Variants in CCDC30 observed in about 807,000 individuals in gnomAD.
CCDC30 encodes the protein coiled-coil domain containing 30.
A neutral mutation model predicts 100.2 loss-of-function variants in CCDC30; 70 were observed. The ratio of observed to expected loss-of-function variants is 0.70; its 90% CI spans 0.58 to 0.85. CCDC30 has a LOEUF of 0.85. Ranked by LOEUF, CCDC30 falls within the 40% of genes least tolerant of loss-of-function variation. The pLI, the probability that CCDC30 is intolerant of heterozygous loss-of-function variation, is 0.00. For missense variants in CCDC30, 652 were observed against 771.2 expected (o/e 0.85, Z 1.83); for synonymous variants, 233 against 269.5 (o/e 0.86, Z 1.33).
At chr1:42,612,402 A>T (rs913160683) in intron 11 of CCDC30, among the ~76,000 whole-genome samples, 4 of 152,224 alleles carry the variant, frequency 2.6e-5, no homozygotes, top group African/African-American at 9.6e-5. Context: ...GAAGTCAGGC[A>T]GCAGCTGCAA....
chr1:42,466,077 T>G (rs1237541671), intron 1 of CCDC30, among the ~76,000 whole-genome samples: 8 of 152,258 alleles, frequency 5.3e-5, no homozygotes, highest in Non-Finnish European at 8.8e-5. Context: ...AATATGTATT[T>G]TATTTAAGAT....
chr1:42,639,023 G>C (rs1472148631), intron 12 of CCDC30, among the ~76,000 whole-genome samples: 1 of 152,108 alleles, frequency 6.6e-6, no homozygotes, highest in Non-Finnish European at 1.5e-5. Context: ...TTCTAGGCCA[G>C]AAAAACAGTC....
At chr1:42,623,599 A>G (rs1010864809) in intron 11 of CCDC30, among the ~76,000 whole-genome samples, 6 of 152,084 alleles carry the variant, frequency 3.9e-5, no homozygotes, top group Non-Finnish European at 7.4e-5. Context: ...CTATGTGTCT[A>G]TTTTTATGCC....
At position 42,504,246 on chromosome 1, in the gene CCDC30, C is replaced by T. The variant is rs147437724; in HGVS notation, c.456+5330C>T. Among the ~76,000 whole-genome samples, 168 of 152,242 alleles carry T rather than the reference C, an allele frequency of 1.1e-3. 2 individuals are homozygous for T. The highest frequency in any genetic ancestry group is 3.8e-3 in the African/African-American group (157 of 41,532). ...CAAAACATGAGGGCATGTTCCTTGC[C>T]CTCATTCCGGTAAGCCCACCACCTT... On this transcript the variant is annotated intron_variant, in intron 6 of 16. Transcript: ENST00000668663.
At chr1:42,469,632 G>C (rs1643701117) in intron 1 of CCDC30, among the ~76,000 whole-genome samples, 1 of 152,214 alleles carries the variant, frequency 6.6e-6, no homozygotes, top group South Asian at 2.1e-4. Context: ...AGCAGTATGG[G>C]ATGGGGCCTA....
chr1:42,478,795 G>A lies in CCDC30; in HGVS notation c.-91-1666G>A, dbSNP rs149142063. Among the ~76,000 whole-genome samples the A allele has an allele frequency of 3.4e-4, 52 of 151,468 alleles. No homozygotes were observed. The East Asian group carries it at 8.6e-3, about 25-fold the overall frequency. On this transcript the variant is annotated intron_variant, in intron 1 of 16. Coordinates refer to ENST00000668663, the Ensembl canonical transcript of CCDC30. Reference sequence around the variant, plus strand: ...TAAAACAAAACAAAAACCAAACTGCGCCCCCCCAAGATACCCATTTTATGA... The same window carrying A: ...TAAAACAAAACAAAAACCAAACTGCACCCCCCCAAGATACCCATTTTATGA...
At chr1:42,553,957 T>C (rs1021535392) in intron 6 of CCDC30, among the ~76,000 whole-genome samples, 1 of 152,166 alleles carries the variant, frequency 6.6e-6, no homozygotes, top group African/African-American at 2.4e-5. Flanking sequence ...ACAATTTTTC[T>C]CCCTGTTCCT....
intron 6 of CCDC30, among the ~76,000 whole-genome samples, chr1:42,543,713 T>C (rs924597763): frequency 6.6e-6 from 1 of 152,216 alleles, no homozygotes; most frequent in African/African-American, 2.4e-5. Context: ...TCTTCTCTTA[T>C]CTATATCTTC....
chr1:42,493,205 TAATAAG>T (rs1201205971), intron 4 of CCDC30, among the ~76,000 whole-genome samples: 6 of 151,864 alleles, frequency 4.0e-5, no homozygotes, highest in African/African-American at 1.5e-4. Flanking sequence ...TAATTAAATA[TAATAAG>T]AATAAGAAGA....
intron 1 of CCDC30, among the ~76,000 whole-genome samples, chr1:42,468,947 A>G (rs553754999): frequency 1.3e-5 from 2 of 152,284 alleles, no homozygotes; most frequent in African/African-American, 4.8e-5. Context: ...GGAGGAACCC[A>G]GGAAGCATAC....
chr1:42,512,313 GT>G (rs1482834577), intron 6 of CCDC30, among the ~76,000 whole-genome samples: 3 of 152,140 alleles, frequency 2.0e-5, no homozygotes, highest in Non-Finnish European at 2.9e-5. Flanking sequence ...TTTGGGGCCA[GT>G]TTATGGCCAG....
intron 8 of CCDC30, among the ~76,000 whole-genome samples, chr1:42,578,133 G>A (rs1215582380): frequency 1.3e-5 from 2 of 152,096 alleles, no homozygotes; most frequent in African/African-American, 2.4e-5. Flanking sequence ...ACATTTTGAT[G>A]TGCAAGTTTG....
chr1:42,530,155 G>A (rs1644784908), intron 6 of CCDC30, among the ~76,000 whole-genome samples: 1 of 152,168 alleles, frequency 6.6e-6, no homozygotes, highest in Non-Finnish European at 1.5e-5. Flanking sequence ...TACTTTTCAA[G>A]TATCATCAGA....
chr1:42,533,927 C>T (rs1378113524), intron 6 of CCDC30: 3 of 151,416 alleles, frequency 2.0e-5, no homozygotes, highest in African/African-American at 4.9e-5. Flanking sequence ...GTCATTAGTC[C>T]TCTTTGCTTA....
intron 8 of CCDC30, among the ~76,000 whole-genome samples, chr1:42,579,493 G>A (rs1228226364): frequency 6.6e-6 from 1 of 151,638 alleles, no homozygotes; most frequent in African/African-American, 2.4e-5. Flanking sequence ...AATTAGCCAG[G>A]TGTGGTGGCA....
At chr1:42,460,782 T>C (rs976969004), upstream of CCDC30, among the ~76,000 whole-genome samples, 2 of 152,158 alleles carry the variant, frequency 1.3e-5, no homozygotes, top group Non-Finnish European at 2.9e-5. Context: ...GAGGATAATC[T>C]CTCTGCAAAG....
At position 42,556,266 on chromosome 1, in the gene CCDC30, T is replaced by C. The variant is rs752220250; in HGVS notation, c.457-10030T>C. 11 of 1,613,816 alleles carry C rather than the reference T, an allele frequency of 6.8e-6. No homozygotes were observed. The Admixed American group carries it at 1.7e-4, about 24-fold the overall frequency. On this transcript the variant is annotated intron_variant, in intron 6 of 16. Transcript: ENST00000668663. ...GAGGGCTCACAACAGAATCGAGATA[T>C]GAAAGATGAAGAAAAAGAACAGCAG...
chr1:42,555,827 C>T (rs1280092408), intron 6 of CCDC30, among the ~76,000 whole-genome samples: 1 of 152,078 alleles, frequency 6.6e-6, no homozygotes, highest in Admixed American at 6.5e-5. Context: ...GTAGCTGGGA[C>T]TACAGGCATA....
intron 15 of CCDC30, among the ~76,000 whole-genome samples, chr1:42,652,515 A>C (rs1648438606): frequency 6.6e-6 from 1 of 152,204 alleles, no homozygotes; most frequent in Admixed American, 6.5e-5. Context: ...AATTTGAAAA[A>C]ACTTTCTGAC....
Sources: allele counts gnomAD v4.1 joint callset (sites outside exome capture counted in the v4.1 genomes callset), GRCh38; gene constraint gnomAD v4.1.1; transcripts MANE v1.5; gene names NCBI Gene and HGNC (gene_info 2026-07-23, HGNC 2026-07-21).